CLSTN1: variants seen among roughly 807,000 people sequenced by gnomAD.
CLSTN1 encodes calsyntenin-1.
In CLSTN1, 28 loss-of-function variants were observed where a neutral mutation model predicts 108.3. The observed-to-expected ratio is 0.26, with a 90% CI of 0.19 to 0.35. The LOEUF (loss-of-function observed/expected upper bound fraction) is 0.35, where lower values mean the gene tolerates loss of function less well. CLSTN1 is among the 10% of genes least tolerant of loss of function. The pLI is 1.00. For synonymous variants in CLSTN1, 524 were observed against 534.9 expected, an observed-to-expected ratio of 0.98 and a Z score of 0.28; for missense variants, 1,157 against 1,302.6, an observed-to-expected ratio of 0.89 and a Z score of 1.72.
At chr1:9,748,032 A>C (rs948124838) in intron 7 of CLSTN1, among the ~76,000 whole-genome samples, 2 of 149,918 alleles carry the variant, frequency 1.3e-5, no homozygotes, top group African/African-American at 5.0e-5. Context: ...TGACAGAGTG[A>C]GACTCTGTCT....
chr1:9,733,390 C>T lies in CLSTN1; in HGVS notation c.2427+11G>A, dbSNP rs781454814. ...GCTATTGGCCCTGCTCAGTGGGAGC[C>T]TTGTACTCACCTCCACCTTAAATTC... On this transcript the variant is annotated intron_variant, in intron 16 of 18. Transcript: ENST00000377298. 5 of 1,614,174 alleles carry T rather than the reference C, an allele frequency of 3.1e-6. No individual in the cohort carries two copies. Among genetic ancestry groups the T allele is most frequent in the Admixed American group, 3.3e-5 (2 of 60,020 alleles).
chr1:9,795,948 C>T (rs1489293062), intron 1 of CLSTN1, among the ~76,000 whole-genome samples: 1 of 112,594 alleles, frequency 8.9e-6, no homozygotes, highest in Non-Finnish European at 1.9e-5. Flanking sequence ...GAACAAGACC[C>T]TGTCCCCACC....
chr1:9,732,099 CA>C (rs1455405355), intron 16 of CLSTN1, among the ~76,000 whole-genome samples: 1 of 151,924 alleles, frequency 6.6e-6, no homozygotes, highest in African/African-American at 2.4e-5. Flanking sequence ...GAAAAAGAAA[CA>C]AAAACCAAAC....
At chr1:9,766,533 G>A (rs767972508) in intron 2 of CLSTN1, among the ~76,000 whole-genome samples, 9 of 152,114 alleles carry the variant, frequency 5.9e-5, no homozygotes, top group Admixed American at 1.3e-4. Flanking sequence ...GGTGGTGCAC[G>A]CCTGTGATCC....
At position 9,797,031 on chromosome 1, in the gene CLSTN1, T is replaced by C. The variant is rs184713612; in HGVS notation, c.92-23637A>G. Among the ~76,000 whole-genome samples the C allele has an allele frequency of 5.9e-4, 90 of 152,206 alleles. 1 individual carries two copies. The highest frequency in any genetic ancestry group is 2.1e-3 in the African/African-American group (86 of 41,532). On this transcript the variant is annotated intron_variant, in intron 1 of 18. Coordinates refer to ENST00000377298, the MANE Select transcript of CLSTN1 (RefSeq NM_001009566.3). ...AGCATGGTTAAACACTGGTGCGTGG[T>C]AGGGGTACTTGGGGGTTGGAGTTAA... is the stretch of plus-strand genomic sequence containing the variant.
intron 2 of CLSTN1, among the ~76,000 whole-genome samples, 189 bp from the exon 3 acceptor site, chr1:9,756,699 G>C (rs1651823183): frequency 6.6e-6 from 1 of 152,158 alleles, no homozygotes; most frequent in South Asian, 2.1e-4. Flanking sequence ...AACTTACCAT[G>C]AACTACTGCA....
At position 9,731,253 on chromosome 1, in the gene CLSTN1, T is replaced by C. The variant is rs746283962; in HGVS notation, c.2701A>G (p.Met901Val). 6.2e-7 allele frequency: 1 copy of C among 1,614,212 alleles called. No homozygotes were observed. Among genetic ancestry groups the C allele is most frequent in the Middle Eastern group, 1.6e-4 (1 of 6,062 alleles). Residue 901 changes from methionine (M) to valine (V), a missense_variant, in exon 18 of 19, where the codon ATG (methionine) becomes GTG (valine). Met to Val is a conservative substitution (Grantham distance 21, BLOSUM62 1). Coordinates refer to ENST00000377298, the MANE Select transcript of CLSTN1 (RefSeq NM_001009566.3). Reference sequence around the variant, plus strand: ...GTCAGGGCAGAGTCGTCCCAGTCCATCTCGTTCTCCTTCCCGGTGTCCTGA... The same window carrying C: ...GTCAGGGCAGAGTCGTCCCAGTCCACCTCGTTCTCCTTCCCGGTGTCCTGA... ...RDQDTGKENEMDWDDSALTIT... is the reference protein window; with the variant it reads ...RDQDTGKENEVDWDDSALTIT...
At chr1:9,770,831 T>C (rs182226388) in intron 2 of CLSTN1, among the ~76,000 whole-genome samples, 27 of 151,932 alleles carry the variant, frequency 1.8e-4, no homozygotes, top group African/African-American at 6.5e-4. Context: ...CTGTTTCTAA[T>C]AAAAATACAA....
intron 1 of CLSTN1, among the ~76,000 whole-genome samples, chr1:9,777,460 T>C (rs569362487): frequency 8.6e-5 from 13 of 151,764 alleles, no homozygotes; most frequent in Non-Finnish European, 1.3e-4. Context: ...GAGGTAAAGG[T>C]TGCAGTGAGC....
chr1:9,805,866 CAA>C (rs56899514), intron 1 of CLSTN1, among the ~76,000 whole-genome samples: 14 of 74,844 alleles, frequency 1.9e-4, no homozygotes, highest in Non-Finnish European at 1.8e-4. Context: ...GACTCTGTCT[CAA>C]AAAAAAAAAA....
rs185899955 is a variant in CLSTN1, at chr1:9,794,561, A to G, written c.92-21167T>C. The stretch of plus-strand genomic sequence containing the variant: ...TGGCCTCAAATGATCTACCTGCCTC[A>G]GCCTCCGAAAGTGCTGAGATTACAG... On this transcript the variant is annotated intron_variant, in intron 1 of 18. Coordinates refer to ENST00000377298, the MANE Select transcript of CLSTN1 (RefSeq NM_001009566.3). 4.0e-5 allele frequency among the ~76,000 whole-genome samples: 6 copies of G among 151,538 alleles called. No individual in the cohort carries two copies. In the Admixed American group the frequency reaches 4.0e-4, roughly 10 times the overall value.
chr1:9,793,277 T>A lies in CLSTN1; in HGVS notation c.92-19883A>T, dbSNP rs892159642. Among the ~76,000 whole-genome samples, 7 of 151,402 alleles carry A rather than the reference T, an allele frequency of 4.6e-5. 1 individual carries two copies. The East Asian group carries it at 1.4e-3, about 30-fold the overall frequency. On this transcript the variant is annotated intron_variant, in intron 1 of 18. Transcript: ENST00000377298. Reference sequence around the variant, plus strand: ...ATCCACCAGTCTCAGCCTCCCAAAGTGTTGGGATTACAGGCGTGAGCCACT... The same window carrying A: ...ATCCACCAGTCTCAGCCTCCCAAAGAGTTGGGATTACAGGCGTGAGCCACT...
At position 9,739,484 on chromosome 1, in the gene CLSTN1, A is replaced by T. The variant is rs140839290; in HGVS notation, c.1519+1610T>A. 2.0e-5 allele frequency among the ~76,000 whole-genome samples: 3 copies of T among 152,322 alleles called. No homozygotes were observed. The East Asian group carries it at 5.8e-4, about 29-fold the overall frequency. ...TCCTATGTATTTATTTTGTAGATTAATAAGAAGGGATCCATTGGCCTTGCC... is the reference window on the plus strand; with the variant it reads ...TCCTATGTATTTATTTTGTAGATTATTAAGAAGGGATCCATTGGCCTTGCC... On this transcript the variant is annotated intron_variant, in intron 10 of 18. Coordinates refer to ENST00000377298, the MANE Select transcript of CLSTN1 (RefSeq NM_001009566.3).
At chr1:9,794,839 T>G (rs900372108) in intron 1 of CLSTN1, among the ~76,000 whole-genome samples, 19 of 151,496 alleles carry the variant, frequency 1.3e-4, no homozygotes, top group Admixed American at 1.1e-3. Context: ...GTTCTGTATG[T>G]GTTTTTTGTC....
chr1:9,796,428 G>A (rs1372850743), intron 1 of CLSTN1, among the ~76,000 whole-genome samples: 1 of 150,548 alleles, frequency 6.6e-6, no homozygotes, highest in Non-Finnish European at 1.5e-5. Context: ...TGTAATCCCA[G>A]CACTTTGGGA....
intron 1 of CLSTN1, among the ~76,000 whole-genome samples, chr1:9,778,386 A>C (rs1039340985): frequency 6.6e-6 from 1 of 152,120 alleles, no homozygotes; most frequent in African/African-American, 2.4e-5. Context: ...AAATGCGCAA[A>C]TCAGATCAGT....
rs558694503 is a variant in CLSTN1, at chr1:9,754,029, A to C, written c.440+1085T>G. Reference sequence around the variant, plus strand: ...CCTACATTGTCTAGGCTGCTCTCAAACTCCTAGGCTCAAGCAATCTTCCCA... The same window carrying C: ...CCTACATTGTCTAGGCTGCTCTCAACCTCCTAGGCTCAAGCAATCTTCCCA... On this transcript the variant is annotated intron_variant, in intron 4 of 18. Transcript: ENST00000377298. Among the ~76,000 whole-genome samples the C allele has an allele frequency of 1.7e-4, 25 of 146,046 alleles. No homozygotes were observed. The East Asian group carries it at 4.9e-3, about 29-fold the overall frequency.
At chr1:9,744,345 A>G (rs1651139743) in intron 8 of CLSTN1, 50 bp downstream of exon 8, 1 of 1,553,376 alleles carries the variant, frequency 6.4e-7, no homozygotes, top group African/African-American at 1.4e-5. Flanking sequence ...GCTGGCACCC[A>G]CCCTACTGGA....
chr1:9,789,228 G>A (rs1164943685), intron 1 of CLSTN1, among the ~76,000 whole-genome samples: 1 of 151,292 alleles, frequency 6.6e-6, no homozygotes, highest in African/African-American at 2.4e-5. Context: ...TATCTTTAGG[G>A]TGATTGTATC....
Sources: allele counts gnomAD v4.1 joint callset (sites outside exome capture counted in the v4.1 genomes callset), GRCh38; gene constraint gnomAD v4.1.1; transcripts MANE v1.5; gene names NCBI Gene and HGNC (gene_info 2026-07-23, HGNC 2026-07-21).